CEP170: variants seen among roughly 807,000 people sequenced by gnomAD.
CEP170 encodes the protein centrosomal protein of 170 kDa.
CEP170 carries 21 observed loss-of-function variants against 151.9 expected under a neutral mutation model. That is an observed-to-expected ratio of 0.14 (90% CI 0.10 to 0.20). CEP170 has a LOEUF of 0.20. CEP170 is among the 10% of genes least tolerant of loss of function. CEP170 has a pLI of 1.00. For synonymous variants in CEP170, 356 were observed against 648.8 expected, an observed-to-expected ratio of 0.55 and a Z score of 6.86; for missense variants, 964 against 1,892.9, an observed-to-expected ratio of 0.51 and a Z score of 9.11.
At chr1:243,181,889 T>G (rs1377102609) in intron 10 of CEP170, among the ~76,000 whole-genome samples, 1 of 152,200 alleles carries the variant, frequency 6.6e-6, no homozygotes, top group African/African-American at 2.4e-5. Context: ...ATTTTCATAC[T>G]TTATTTGCTC....
intron 1 of CEP170, among the ~76,000 whole-genome samples, chr1:243,226,882 G>A (rs542464379): frequency 3.3e-5 from 5 of 152,226 alleles, no homozygotes; most frequent in Admixed American, 6.5e-5. Context: ...CCAGCTACTC[G>A]GGAGGGTGAG....
chr1:243,173,088 T>G (rs2058974802), intron 10 of CEP170, among the ~76,000 whole-genome samples: 2 of 151,918 alleles, frequency 1.3e-5, no homozygotes, highest in South Asian at 4.1e-4. Flanking sequence ...GAGACGGAGT[T>G]TCACTCTTGT....
rs1348248180 is a variant in CEP170, at chr1:243,168,487, T to C, written c.1843+1141A>G. On this transcript the variant is annotated intron_variant, in intron 12 of 19. Coordinates refer to ENST00000366542, the MANE Select transcript of CEP170 (RefSeq NM_014812.3). The stretch of plus-strand genomic sequence containing the variant: ...TTGACAATTTATATTTGTATATGTT[T>C]ATGGTGTATAAAATGTTGACCATAA... The C allele has an allele frequency of 2.6e-5, 4 of 152,018 alleles. No homozygotes were observed. In the East Asian group the frequency reaches 7.7e-4, roughly 29 times the overall value. The allele number at this position is 152,018 out of a possible 1,614,324, so 9.4% of individuals were successfully genotyped here.
intron 1 of CEP170, among the ~76,000 whole-genome samples, chr1:243,232,864 G>C (rs927380860): frequency 1.3e-5 from 2 of 152,172 alleles, no homozygotes; most frequent in Admixed American, 1.3e-4. Context: ...GAAATACAGA[G>C]ACACTTTTTC....
At chr1:243,206,006 C>T (rs1391616273) in intron 4 of CEP170, among the ~76,000 whole-genome samples, 1 of 150,808 alleles carries the variant, frequency 6.6e-6, no homozygotes, top group East Asian at 1.9e-4. Context: ...AAAGCTACAC[C>T]AAGACACATC....
intron 10 of CEP170, among the ~76,000 whole-genome samples, chr1:243,176,398 A>G (rs1366558133): frequency 6.6e-6 from 1 of 151,940 alleles, no homozygotes; most frequent in Non-Finnish European, 1.5e-5. Context: ...TGGGCCTGGC[A>G]GATGTTTAAA....
intron 14 of CEP170, among the ~76,000 whole-genome samples, chr1:243,152,372 C>A (rs2057175917): frequency 6.6e-6 from 1 of 151,736 alleles, no homozygotes; most frequent in South Asian, 2.1e-4. Flanking sequence ...CAGGCGCCCG[C>A]CACCACGCCC....
chr1:243,180,160 G>T (rs548412808), intron 10 of CEP170, among the ~76,000 whole-genome samples: 3 of 152,288 alleles, frequency 2.0e-5, no homozygotes, highest in Admixed American at 6.5e-5. Flanking sequence ...AATGAATTAT[G>T]AGAAGCTAGG....
chr1:243,191,670 T>A (rs2060312758), intron 7 of CEP170, among the ~76,000 whole-genome samples, 176 bp from the exon 8 acceptor site: 1 of 152,008 alleles, frequency 6.6e-6, no homozygotes, highest in Admixed American at 6.6e-5. Context: ...AGAATCTTGA[T>A]TATAAACATG....
chr1:243,248,040 G>A (rs1572678320), intron 1 of CEP170, among the ~76,000 whole-genome samples: 1 of 152,316 alleles, frequency 6.6e-6, no homozygotes, highest in East Asian at 1.9e-4. Flanking sequence ...ACTCATCCAC[G>A]TAGGAAACAG....
intron 14 of CEP170, among the ~76,000 whole-genome samples, chr1:243,145,828 T>G (rs1449269779): frequency 6.6e-6 from 1 of 152,154 alleles, no homozygotes; most frequent in Non-Finnish European, 1.5e-5. Flanking sequence ...TTTCAAGAAA[T>G]AATTTAGTCT....
At chr1:243,168,992 CTT>C (rs1004357726) in intron 12 of CEP170, among the ~76,000 whole-genome samples, 11 of 120,572 alleles carry the variant, frequency 9.1e-5, no homozygotes, top group African/African-American at 1.7e-4. Context: ...TAAATTTTAA[CTT>C]ATATATATAT....
chr1:243,239,240 G>C (rs2064561735), intron 1 of CEP170, among the ~76,000 whole-genome samples: 1 of 152,100 alleles, frequency 6.6e-6, no homozygotes, highest in Non-Finnish European at 1.5e-5. Context: ...CCCCGTCTTA[G>C]CGAATGGCAT....
intron 17 of CEP170, among the ~76,000 whole-genome samples, chr1:243,135,105 A>T (rs2054888483): frequency 6.6e-6 from 1 of 152,210 alleles, no homozygotes; most frequent in African/African-American, 2.4e-5. Context: ...ATGGGACAAG[A>T]CGGTGCAGAA....
chr1:243,219,238 T>G lies in CEP170; in HGVS notation c.195+2486A>C, dbSNP rs150860105. On this transcript the variant is annotated intron_variant, in intron 3 of 19. Coordinates refer to ENST00000366542, the MANE Select transcript of CEP170 (RefSeq NM_014812.3). ...AACAATACTACAGAGCAGGAATTAT[T>G]TCATCATTTAATAGCTGAAGCAAGA... 5.3e-5 allele frequency among the ~76,000 whole-genome samples: 8 copies of G among 152,354 alleles called. No individual in the cohort carries two copies. In the East Asian group the frequency reaches 1.3e-3, roughly 26 times the overall value.
At chr1:243,238,030 ATTCTTAGGCTATGGATGTT>A (rs2064415703) in intron 1 of CEP170, among the ~76,000 whole-genome samples, 2 of 152,346 alleles carry the variant, frequency 1.3e-5, no homozygotes, top group South Asian at 4.1e-4. Context: ...ATATACTGTA[ATTCTTAGGCTATGGATGTT>A]TAAAGTGATT....
At chr1:243,242,712 T>C (rs2064975257) in intron 1 of CEP170, among the ~76,000 whole-genome samples, 1 of 152,080 alleles carries the variant, frequency 6.6e-6, no homozygotes, top group Admixed American at 6.5e-5. Context: ...CCTTTTTTTT[T>C]TTCTCCAAGA....
chr1:243,238,961 T>G (rs1483871830), intron 1 of CEP170, among the ~76,000 whole-genome samples: 1 of 152,216 alleles, frequency 6.6e-6, no homozygotes, highest in Non-Finnish European at 1.5e-5. Context: ...TCTTTGAAAG[T>G]GTCTACTTTT....
intron 14 of CEP170, among the ~76,000 whole-genome samples, chr1:243,144,351 G>C (rs2056220038): frequency 6.6e-6 from 1 of 152,164 alleles, no homozygotes; most frequent in Non-Finnish European, 1.5e-5. Context: ...GTCACACATA[G>C]TTAAGTGCCA....
Sources: gnomAD v4.1 joint callset for allele counts (sites outside exome capture counted in the v4.1 genomes callset) on GRCh38, gnomAD v4.1.1 for gene constraint, MANE v1.5 for transcripts, NCBI Gene and HGNC (gene_info 2026-07-23, HGNC 2026-07-21) for gene names.